Variants in ZMAT5 observed in about 807,000 individuals in gnomAD.
ZMAT5 encodes the protein zinc finger matrin-type 5.
ZMAT5 carries 23 observed loss-of-function variants against 28.0 expected under a neutral mutation model. That is an observed-to-expected ratio of 0.82 (90% CI 0.59 to 1.16). The LOEUF (loss-of-function observed/expected upper bound fraction) is 1.16. Ranked by LOEUF, ZMAT5 falls within the 50% of genes most tolerant of loss-of-function variation. The pLI is 0.00. For missense variants in ZMAT5, 173 were observed against 212.7 expected (o/e 0.81, Z 1.16); for synonymous variants, 76 against 84.1 (o/e 0.90, Z 0.52).
At chr22:29,737,593 C>T (rs919528917) in intron 5 of ZMAT5, among the ~76,000 whole-genome samples, 1 of 152,190 alleles carries the variant, frequency 6.6e-6, no homozygotes, top group African/African-American at 2.4e-5. Context: ...TCGCATGCGG[C>T]TCCTGGGCGC....
At chr22:29,733,951 G>A (rs1035242758) in intron 5 of ZMAT5, among the ~76,000 whole-genome samples, 8 of 152,228 alleles carry the variant, frequency 5.3e-5, no homozygotes, top group African/African-American at 1.7e-4. Flanking sequence ...AACTCTGCTC[G>A]TAGCTTCTCT....
At chr22:29,732,464 G>A (rs1360109855) in intron 5 of ZMAT5, among the ~76,000 whole-genome samples, 4 of 152,174 alleles carry the variant, frequency 2.6e-5, no homozygotes, top group Non-Finnish European at 5.9e-5. Context: ...TTGGCCGGGC[G>A]CAGTGACTCA....
chr22:29,761,149 C>T (rs1177504910), intron 1 of ZMAT5, among the ~76,000 whole-genome samples: 1 of 150,512 alleles, frequency 6.6e-6, no homozygotes, highest in African/African-American at 2.5e-5. Context: ...GGTGCGCACC[C>T]ATAGTCCCAG....
At chr22:29,732,643 G>A (rs566591789) in intron 5 of ZMAT5, among the ~76,000 whole-genome samples, 19 of 151,520 alleles carry the variant, frequency 1.3e-4, no homozygotes, top group African/African-American at 4.1e-4. Context: ...GGGAGGCTGA[G>A]GCAGGAGAAT....
chr22:29,742,078 C>G (rs2067967838), intron 3 of ZMAT5, among the ~76,000 whole-genome samples: 1 of 152,230 alleles, frequency 6.6e-6, no homozygotes, highest in Non-Finnish European at 1.5e-5. Context: ...CTCTGAAGTT[C>G]TGCCTGCTGG....
intron 1 of ZMAT5, among the ~76,000 whole-genome samples, chr22:29,755,354 G>A (rs1338662064): frequency 1.6e-4 from 6 of 38,622 alleles, no homozygotes; most frequent in African/African-American, 5.2e-4. Context: ...AGGGAGGGAG[G>A]GAGGGAGGGA....
intron 1 of ZMAT5, 137 bp downstream of exon 1, chr22:29,766,735 C>T (rs1241917900): frequency 6.6e-6 from 1 of 152,524 alleles, no homozygotes; most frequent in Non-Finnish European, 1.5e-5. Flanking sequence ...CAGGCTCCAG[C>T]TCCTGGCCTA....
intron 2 of ZMAT5, chr22:29,746,585 C>G (rs1272872840): frequency 6.5e-6 from 1 of 153,068 alleles, no homozygotes; most frequent in Non-Finnish European, 1.5e-5. Context: ...CATGCCCTGC[C>G]TGCTCTGGAT....
chr22:29,739,710 C>G (rs1316725990), intron 4 of ZMAT5, among the ~76,000 whole-genome samples: 1 of 152,264 alleles, frequency 6.6e-6, no homozygotes, highest in Non-Finnish European at 1.5e-5. Flanking sequence ...AGCCCATAGC[C>G]AGGGAAGAGC....
intron 1 of ZMAT5, among the ~76,000 whole-genome samples, chr22:29,755,334 A>AGGGAGG (rs2068089479): frequency 5.1e-5 from 1 of 19,708 alleles, no homozygotes; most frequent in Non-Finnish European, 1.1e-4. Context: ...AAGGAGAGAG[A>AGGGAGG]GAGAGAGGGA....
Position 29,748,530 on chromosome 22 carries a change from G to A in ZMAT5, c.15C>T (p.Tyr5=). ...AGGAGCGGTCGCAGTAGTCACAGAA[G>A]TATCGCTTCCCCATGGCCACTCAGA... is the stretch of plus-strand genomic sequence containing the variant. MGKR[Y]FCDYCDRSFQ... The change falls in exon 2 of 6, where the codon TAC becomes TAT. Residue 5 remains tyrosine, a synonymous_variant. Coordinates refer to ENST00000344318, the MANE Select transcript of ZMAT5 (RefSeq NM_001003692.2). 4.3e-6 allele frequency: 7 copies of A among 1,614,190 alleles called. No individual in the cohort carries two copies. Among genetic ancestry groups the A allele is most frequent in the Non-Finnish European group, 5.9e-6 (7 of 1,180,038 alleles).
intron 2 of ZMAT5, chr22:29,746,894 A>G (rs1024326783): frequency 1.4e-4 from 22 of 152,200 alleles, no homozygotes; most frequent in African/African-American, 4.8e-4. Context: ...GCCTTAGCGT[A>G]ACACCAGGGT....
intron 5 of ZMAT5, among the ~76,000 whole-genome samples, chr22:29,735,249 G>A (rs1357409268): frequency 6.6e-6 from 1 of 152,138 alleles, no homozygotes; most frequent in Non-Finnish European, 1.5e-5. Context: ...AGGAATAAAC[G>A]GTCACCTCCC....
At chr22:29,742,920 T>C (rs1249086995) in intron 2 of ZMAT5, among the ~76,000 whole-genome samples, 1 of 152,070 alleles carries the variant, frequency 6.6e-6, no homozygotes, top group African/African-American at 2.4e-5. Flanking sequence ...GCCTCCCAAC[T>C]AGGTGTGACT....
At chr22:29,763,080 G>T (rs930666462) in intron 1 of ZMAT5, among the ~76,000 whole-genome samples, 4 of 151,936 alleles carry the variant, frequency 2.6e-5, no homozygotes, top group African/African-American at 9.7e-5. Context: ...ATCACCTGAG[G>T]TCAGGAGTTC....
intron 5 of ZMAT5, among the ~76,000 whole-genome samples, chr22:29,736,494 T>G (rs935626938): frequency 1.3e-5 from 2 of 149,066 alleles, no homozygotes; most frequent in Non-Finnish European, 3.0e-5. Context: ...CTGAGGCAGG[T>G]GAATCACCTG....
intron 4 of ZMAT5, 95 bp downstream of exon 4, chr22:29,740,555 G>T (rs2067951601): frequency 4.6e-6 from 6 of 1,312,624 alleles, no homozygotes; most frequent in Non-Finnish European, 6.4e-6. Flanking sequence ...GCCAATGATG[G>T]GGAGATAGGG....
chr22:29,740,762 C>T lies in ZMAT5; in HGVS notation c.191-32G>A, dbSNP rs774808053. 8.3e-6 allele frequency: 13 copies of T among 1,564,218 alleles called. No homozygotes were observed. In the African/African-American group the frequency reaches 1.1e-4, roughly 13 times the overall value. On this transcript the variant is annotated intron_variant, in intron 3 of 5. Transcript: ENST00000344318. ...CAGGAAGACAGAGTTACTCGCTGCTCGGGAGGGGCTCCCCACAGGGGCTGA... is the reference window on the plus strand; with the variant it reads ...CAGGAAGACAGAGTTACTCGCTGCTTGGGAGGGGCTCCCCACAGGGGCTGA...
Position 29,734,506 on chromosome 22 carries a change from G to A in ZMAT5, c.384-3152C>T, listed in dbSNP as rs78919701. Among the ~76,000 whole-genome samples the A allele has an allele frequency of 5.3e-3, 803 of 152,332 alleles. 3 individuals are homozygous for A. Among genetic ancestry groups the A allele is most frequent in the African/African-American group, 0.018 (755 of 41,570 alleles). On this transcript the variant is annotated intron_variant, in intron 5 of 5. Coordinates refer to ENST00000344318, the MANE Select transcript of ZMAT5 (RefSeq NM_001003692.2). ...CTCGCAGCACTAACACCTGGGGAAC[G>A]CCCGAACAGCAGCCTAAATGCTCAT...
Sources: allele counts gnomAD v4.1 joint callset (sites outside exome capture counted in the v4.1 genomes callset), GRCh38; gene constraint gnomAD v4.1.1; transcripts MANE v1.5; gene names NCBI Gene and HGNC (gene_info 2026-07-23, HGNC 2026-07-21).